Variants in GRB10 observed in about 807,000 individuals in gnomAD.
The protein encoded by GRB10 is growth factor receptor bound protein 10.
GRB10 carries 20 observed loss-of-function variants against 80.9 expected under a neutral mutation model. The observed-to-expected ratio is 0.25, with a 90% CI of 0.17 to 0.36. The LOEUF (loss-of-function observed/expected upper bound fraction) is 0.36. Ranked by LOEUF, GRB10 falls within the 10% of genes least tolerant of loss-of-function variation. GRB10 has a pLI of 1.00. For synonymous variants in GRB10, 291 were observed against 291.5 expected (o/e 1.00, Z 0.02); for missense variants, 548 against 747.7 (o/e 0.73, Z 3.12).
At chr7:50,653,850 G>A (rs1183611703) in intron 7 of GRB10, among the ~76,000 whole-genome samples, 1 of 152,230 alleles carries the variant, frequency 6.6e-6, no homozygotes, top group East Asian at 1.9e-4. Flanking sequence ...CTGAAGTACA[G>A]GCTGGAAGGG....
chr7:50,672,600 A>T (rs2060480324), intron 6 of GRB10, among the ~76,000 whole-genome samples: 1 of 152,098 alleles, frequency 6.6e-6, no homozygotes, highest in Admixed American at 6.5e-5. Context: ...CCACAGAGCA[A>T]GCCTGCCCCT....
chr7:50,791,986 C>T lies in GRB10; in HGVS notation c.-294+1238G>A, dbSNP rs184937094. Among the ~76,000 whole-genome samples the T allele has an allele frequency of 5.3e-5, 8 of 152,252 alleles. No individual in the cohort carries two copies. The South Asian group carries it at 1.2e-3, about 24-fold the overall frequency. The stretch of plus-strand genomic sequence containing the variant: ...GAAAGAGAGGAACTCGGGGTCAGCT[C>T]GTTAAAATATTGCCAGCATTGTGTT... On this transcript the variant is annotated intron_variant, in intron 1 of 16. Transcript: ENST00000335866.
chr7:50,650,957 G>T (rs737292), intron 7 of GRB10, among the ~76,000 whole-genome samples: 40,890 of 152,014 alleles, frequency 0.27, 6,711 homozygotes, highest in Middle Eastern at 0.5. Context: ...ATATTCTTTT[G>T]CAGCTTATCA....
At chr7:50,752,109 G>A (rs559255718) in intron 3 of GRB10, among the ~76,000 whole-genome samples, 5 of 152,068 alleles carry the variant, frequency 3.3e-5, no homozygotes, top group Admixed American at 6.5e-5. Context: ...ACAGAGTCAG[G>A]GTGTGCAGGT....
At chr7:50,762,570 T>C (rs2075879050) in intron 2 of GRB10, among the ~76,000 whole-genome samples, 1 of 152,152 alleles carries the variant, frequency 6.6e-6, no homozygotes, top group African/African-American at 2.4e-5. Flanking sequence ...AGGTGAATGA[T>C]GACACATAAA....
At chr7:50,705,538 A>G (rs1168544184) in intron 4 of GRB10, among the ~76,000 whole-genome samples, 1 of 152,242 alleles carries the variant, frequency 6.6e-6, no homozygotes, top group Non-Finnish European at 1.5e-5. Context: ...AACAAAAACA[A>G]AAACTACCAT....
At chr7:50,688,369 G>T (rs2153655675) in intron 5 of GRB10, among the ~76,000 whole-genome samples, 1 of 152,292 alleles carries the variant, frequency 6.6e-6, no homozygotes, top group Admixed American at 6.5e-5. Flanking sequence ...AGCCACAGGG[G>T]ATACCAAAGA....
In GRB10 at chr7:50,661,121, G is replaced by C. The variant is rs148916045; in HGVS notation, c.504+8601C>G. 2.9e-3 allele frequency among the ~76,000 whole-genome samples: 435 copies of C among 152,366 alleles called. 1 individual carries two copies. Among genetic ancestry groups the C allele is most frequent in the African/African-American group, 8.4e-3 (351 of 41,596 alleles). On this transcript the variant is annotated intron_variant, in intron 7 of 18. Transcript: ENST00000401949. Reference sequence around the variant, plus strand: ...CAGTTGCAGACACACATTTGCAGGAGAGAGCATTCTCTCCGTGCAATACAT... The same window carrying C: ...CAGTTGCAGACACACATTTGCAGGACAGAGCATTCTCTCCGTGCAATACAT...
In GRB10 at chr7:50,669,818, C is replaced by T. The variant is rs956472722; in HGVS notation, c.408G>A (p.Pro136=). Residue 136 remains proline, a synonymous_variant, in exon 7 of 19, where the codon CCG becomes CCA. Transcript: ENST00000401949. ...GTTCAGGAAAAGGATTGGGGATGGCCGGCAGAGATGAGGTTCTAAACTGCT... is the reference window on the plus strand; with the variant it reads ...GTTCAGGAAAAGGATTGGGGATGGCTGGCAGAGATGAGGTTCTAAACTGCT... ...EDQQFRTSSL[P]AIPNPFPELC... 9.3e-6 allele frequency: 15 copies of T among 1,613,678 alleles called. 1 individual carries two copies. The highest frequency in any genetic ancestry group is 2.2e-5 in the South Asian group (2 of 90,964).
At chr7:50,739,015 A>G (rs1358058255) in intron 3 of GRB10, among the ~76,000 whole-genome samples, 1 of 152,202 alleles carries the variant, frequency 6.6e-6, no homozygotes, top group Non-Finnish European at 1.5e-5. Context: ...AATCTTCATG[A>G]TAAAGCTTAA....
At chr7:50,654,476 T>C (rs533475222) in intron 7 of GRB10, among the ~76,000 whole-genome samples, 7 of 152,332 alleles carry the variant, frequency 4.6e-5, no homozygotes, top group African/African-American at 1.7e-4. Flanking sequence ...AGAATTACTG[T>C]GGGATGACCT....
chr7:50,741,974 A>C (rs2071843061), intron 3 of GRB10, among the ~76,000 whole-genome samples: 1 of 152,146 alleles, frequency 6.6e-6, no homozygotes, highest in Admixed American at 6.5e-5. Context: ...CCAGTAAAGA[A>C]ATAAATTTTG....
rs377002367 is a variant in GRB10 at position 50,792,318 on chromosome 7, G to T, written c.-294+906C>A. 3 of 394,676 alleles carry T rather than the reference G, an allele frequency of 7.6e-6. No individual in the cohort carries two copies. The Admixed American group carries it at 1.3e-4, about 17-fold the overall frequency. The allele number at this position is 394,676 out of a possible 1,614,324, so 24.4% of individuals were successfully genotyped here. ...TTTCAAACGCATTGTAAAGATCCAG[G>T]ACCCTGTAAAAATCACCTGTGGCTC... is the stretch of plus-strand genomic sequence containing the variant. On this transcript the variant is annotated intron_variant, in intron 1 of 16. Transcript: ENST00000335866.
At chr7:50,786,982 G>A (rs1359552588), upstream of GRB10, among the ~76,000 whole-genome samples, 2 of 152,232 alleles carry the variant, frequency 1.3e-5, no homozygotes, top group Non-Finnish European at 2.9e-5. Context: ...CTGTAAGTTT[G>A]GAGGGAAGAA....
intron 16 of GRB10, 22 bp downstream of exon 16, chr7:50,604,289 T>A: frequency 6.3e-7 from 1 of 1,592,954 alleles, no homozygotes; most frequent in Non-Finnish European, 8.6e-7. Flanking sequence ...TACAAAAACA[T>A]CAGGCAATGT....
intron 5 of GRB10, among the ~76,000 whole-genome samples, chr7:50,676,345 G>T (rs570716344): frequency 1.0e-4 from 15 of 149,140 alleles, no homozygotes; most frequent in Admixed American, 2.0e-4. Context: ...CGGGGGGGGG[G>T]GGGGGTTGTA....
At chr7:50,704,781 G>A (rs925581231) in intron 4 of GRB10, among the ~76,000 whole-genome samples, 1 of 152,190 alleles carries the variant, frequency 6.6e-6, no homozygotes, top group Non-Finnish European at 1.5e-5. Context: ...AGGTGCTGGC[G>A]ACAGCCAACA....
chr7:50,729,977 A>C (rs2069370145), intron 4 of GRB10, among the ~76,000 whole-genome samples: 1 of 152,164 alleles, frequency 6.6e-6, no homozygotes. Flanking sequence ...TCAGCTTCTA[A>C]AGGATGACCA....
intron 2 of GRB10, among the ~76,000 whole-genome samples, chr7:50,769,971 T>C (rs1385001289): frequency 6.6e-6 from 1 of 152,206 alleles, no homozygotes; most frequent in African/African-American, 2.4e-5. Context: ...CGGTCGTATA[T>C]ACCTGGGCAG....
Sources: allele counts gnomAD v4.1 joint callset (sites outside exome capture counted in the v4.1 genomes callset), GRCh38; gene constraint gnomAD v4.1.1; transcripts MANE v1.5; gene names NCBI Gene and HGNC (gene_info 2026-07-23, HGNC 2026-07-21).